Variants in ZMYND8 observed in about 807,000 individuals in gnomAD.
ZMYND8 encodes MYND-type zinc finger-containing chromatin reader ZMYND8.
A neutral mutation model predicts 140.8 loss-of-function variants in ZMYND8; 37 were observed. The observed-to-expected ratio is 0.26, with a 90% CI of 0.20 to 0.35. ZMYND8 has a LOEUF of 0.35. ZMYND8 is among the 10% of genes least tolerant of loss of function. The pLI, the probability that ZMYND8 is intolerant of heterozygous loss-of-function variation, is 1.00. For synonymous variants in ZMYND8, 592 were observed against 597.1 expected (o/e 0.99, Z 0.12); for missense variants, 1,068 against 1,570.0 (o/e 0.68, Z 5.40).
intron 2 of ZMYND8, among the ~76,000 whole-genome samples, chr20:47,334,605 A>AAT (rs56937532): frequency 0.026 from 3,647 of 141,634 alleles, 94 homozygotes; most frequent in East Asian, 0.13. Context: ...GAAAAAAAAA[A>AAT]ATATATATAT....
chr20:47,316,062 G>C (rs980869938), intron 2 of ZMYND8, among the ~76,000 whole-genome samples: 1 of 152,214 alleles, frequency 6.6e-6, no homozygotes, highest in Non-Finnish European at 1.5e-5. Flanking sequence ...GCCGGGCACG[G>C]TGGCTCACGC....
At chr20:47,294,392 T>C (rs2077509897) in intron 5 of ZMYND8, among the ~76,000 whole-genome samples, 1 of 150,392 alleles carries the variant, frequency 6.6e-6, no homozygotes, top group African/African-American at 2.5e-5. Context: ...ACCTCTTTTC[T>C]TCATAAATTA....
chr20:47,265,584 G>C (rs556442530), intron 11 of ZMYND8, among the ~76,000 whole-genome samples: 11 of 152,304 alleles, frequency 7.2e-5, no homozygotes, highest in African/African-American at 2.6e-4. Flanking sequence ...GGGGCTACAG[G>C]TATGTGCCAC....
chr20:47,240,384 G>C (rs1459899458), intron 14 of ZMYND8, among the ~76,000 whole-genome samples: 1 of 151,586 alleles, frequency 6.6e-6, no homozygotes, highest in Non-Finnish European at 1.5e-5. Flanking sequence ...TGCGGTGGCA[G>C]GCGCCTGTAG....
At chr20:47,278,119 G>A (rs1278375634) in intron 10 of ZMYND8, among the ~76,000 whole-genome samples, 3 of 152,082 alleles carry the variant, frequency 2.0e-5, no homozygotes, top group Admixed American at 6.6e-5. Flanking sequence ...GTACAGGCAC[G>A]CGCCACAACA....
chr20:47,293,740 C>T (rs1352641087), intron 5 of ZMYND8, among the ~76,000 whole-genome samples: 1 of 152,184 alleles, frequency 6.6e-6, no homozygotes, highest in Non-Finnish European at 1.5e-5. Flanking sequence ...TCCCCCTCAA[C>T]GTTTTACTAT....
At chr20:47,356,002 A>G (rs2083203728) in intron 1 of ZMYND8, among the ~76,000 whole-genome samples, 1 of 152,112 alleles carries the variant, frequency 6.6e-6, no homozygotes, top group Admixed American at 6.6e-5. Flanking sequence ...AGCTCTGTAG[A>G]ATAAGAGAAG....
intron 11 of ZMYND8, among the ~76,000 whole-genome samples, chr20:47,266,382 C>T (rs2075528103): frequency 1.3e-5 from 2 of 152,078 alleles, no homozygotes; most frequent in Admixed American, 1.3e-4. Flanking sequence ...CGGGTTCAAG[C>T]GGATTCTCCT....
At chr20:47,309,355 G>C (rs1341832089) in intron 3 of ZMYND8, among the ~76,000 whole-genome samples, 3 of 152,116 alleles carry the variant, frequency 2.0e-5, no homozygotes, top group African/African-American at 7.2e-5. Flanking sequence ...CACCAGGCTG[G>C]AGTGCAGTGG....
chr20:47,260,846 T>C (rs1422343576), intron 12 of ZMYND8, among the ~76,000 whole-genome samples: 5 of 152,238 alleles, frequency 3.3e-5, no homozygotes, highest in Non-Finnish European at 7.3e-5. Context: ...TTGTACTCTA[T>C]TTCCATGCCT....
chr20:47,333,554 C>T (rs1406783996), intron 2 of ZMYND8, among the ~76,000 whole-genome samples: 1 of 151,848 alleles, frequency 6.6e-6, no homozygotes, highest in Non-Finnish European at 1.5e-5. Context: ...GGTGAAACCT[C>T]GTCTCTACTA....
At chr20:47,335,381 A>C (rs1371055970) in intron 2 of ZMYND8, among the ~76,000 whole-genome samples, 1 of 152,076 alleles carries the variant, frequency 6.6e-6, no homozygotes, top group Non-Finnish European at 1.5e-5. Flanking sequence ...GGGGAGTCAC[A>C]GGAAGTTGAA....
intron 21 of ZMYND8, among the ~76,000 whole-genome samples, chr20:47,218,148 T>C (rs1311505352): frequency 6.6e-6 from 1 of 152,242 alleles, no homozygotes; most frequent in African/African-American, 2.4e-5. Flanking sequence ...AAAAGTTTCT[T>C]GACCCTGGTC....
At chr20:47,261,519 CAG>C (rs1174488765) in intron 12 of ZMYND8, among the ~76,000 whole-genome samples, 4 of 151,780 alleles carry the variant, frequency 2.6e-5, no homozygotes, top group African/African-American at 7.3e-5. Flanking sequence ...GCCTGGGTGA[CAG>C]AGTGAGACCC....
chr20:47,270,460 C>T (rs1214999354), intron 11 of ZMYND8, among the ~76,000 whole-genome samples: 3 of 147,820 alleles, frequency 2.0e-5, no homozygotes, highest in Admixed American at 2.0e-4. Flanking sequence ...AAAATAAATT[C>T]TACAGTCTAC....
At chr20:47,263,579 T>G (rs1053266505) in intron 11 of ZMYND8, among the ~76,000 whole-genome samples, 3 of 152,140 alleles carry the variant, frequency 2.0e-5, no homozygotes, top group Admixed American at 2.0e-4. Context: ...TAATGTAATA[T>G]AGTGGGAAAG....
chr20:47,281,010 T>C (rs186668344), intron 10 of ZMYND8, among the ~76,000 whole-genome samples: 1 of 152,316 alleles, frequency 6.6e-6, no homozygotes, highest in African/African-American at 2.4e-5. Flanking sequence ...ATCATCCTTC[T>C]TCCCCGCTAG....
intron 4 of ZMYND8, among the ~76,000 whole-genome samples, chr20:47,297,426 T>C (rs557294036): frequency 5.3e-4 from 80 of 152,208 alleles, no homozygotes; most frequent in Admixed American, 8.5e-4. Context: ...TGTACCTTTT[T>C]TTTTTCTTTT....
At chr20:47,327,129 C>T (rs1200439934) in intron 2 of ZMYND8, among the ~76,000 whole-genome samples, 1 of 151,964 alleles carries the variant, frequency 6.6e-6, no homozygotes, top group Non-Finnish European at 1.5e-5. Context: ...GCCAGGAAAC[C>T]AGTCAGCCTC....
Sources: allele counts gnomAD v4.1 joint callset (sites outside exome capture counted in the v4.1 genomes callset), GRCh38; gene constraint gnomAD v4.1.1; transcripts MANE v1.5; gene names NCBI Gene and HGNC (gene_info 2026-07-23, HGNC 2026-07-21).